OR6M1: variants seen among roughly 807,000 people sequenced by gnomAD.
The protein encoded by OR6M1 is olfactory receptor family 6 subfamily M member 1.
For synonymous variants in OR6M1, 167 were observed against 146.3 expected (o/e 1.14, Z -1.02); for missense variants, 364 against 377.8 (o/e 0.96, Z 0.30).
chr11:123,806,218 GA>G lies in OR6M1; in HGVS notation c.131del (p.Ile44ThrfsTer3). The G allele has an allele frequency of 6.2e-7, 1 of 1,613,990 alleles. No homozygotes were observed. Among genetic ancestry groups the G allele is most frequent in the Non-Finnish European group, 8.5e-7 (1 of 1,179,886 alleles). ...GGCGATGATCAATCCATATCAGGGA[GA>G]TGATGGTGATGTTTCCTGTTGCTGT... The part of the protein sequence containing the change: ...TLTATGNITI[I>X]SLIWIDHRLQ... On this transcript the variant is annotated frameshift_variant, in exon 1 of 1. Transcript: ENST00000309154. LOFTEE classifies it low-confidence loss of function (END_TRUNC).
Position 123,806,157 on chromosome 11 carries a change from A to G in OR6M1, c.193T>C (p.Ser65Pro). Residue 65 changes from serine (S) to proline (P), a missense_variant, in exon 1 of 1, where the codon TCC becomes CCC. Physicochemically the swap from Ser to Pro is moderately conservative, Grantham distance 74 (BLOSUM62 -1). Transcript: ENST00000309154. ...GTGGTGTATAAGATATCCAGAAAGG[A>G]CAAATTACTGAGGAAGAAGTACATT... ...TPMYFFLSNL[S>P]FLDILYTTVI... 1.2e-6 allele frequency: 2 copies of G among 1,614,142 alleles called. No homozygotes were observed. The highest frequency in any genetic ancestry group is 2.2e-5 in the South Asian group (2 of 91,076).
chr11:123,806,037 G>A lies in OR6M1; in HGVS notation c.313C>T (p.Leu105=), dbSNP rs1305398171. ...CMIQTYFYFF[L]GTVEFILLAV... ...AAGAGGATAAACTCCACCGTCCCCA[G>A]AAAGAAGTAGAAATATGTTTGGATC... Residue 105 remains leucine (L), a synonymous_variant, in exon 1 of 1, where the codon CTG becomes TTG. Transcript: ENST00000309154. 1 of 1,614,044 alleles carries A rather than the reference G, an allele frequency of 6.2e-7. No homozygotes were observed. The highest frequency in any genetic ancestry group is 8.5e-7 in the Non-Finnish European group (1 of 1,179,988).
In OR6M1 at chr11:123,805,749, C is replaced by A; in HGVS notation, c.601G>T (p.Ala201Ser). 1.9e-6 allele frequency: 3 copies of A among 1,613,882 alleles called. No homozygotes were observed. The highest frequency in any genetic ancestry group is 2.5e-6 in the Non-Finnish European group (3 of 1,179,946). ...GCCAGGGAGCTCAGGATGACAAGGG[C>A]AGAGAGGAGAAAGTTTATCTTCTCA... The part of the protein sequence containing the change: ...LIEKINFLLS[A>S]LVILSSLAFT... Residue 201 changes from alanine (A) to serine (S), a missense_variant, in exon 1 of 1, where the codon GCC (alanine) becomes TCC (serine). Transcript: ENST00000309154.
In OR6M1 at chr11:123,805,661, C is replaced by G. The variant is rs1175192079; in HGVS notation, c.689G>C (p.Gly230Ala). The G allele has an allele frequency of 6.2e-7, 1 of 1,613,874 alleles. No individual in the cohort carries two copies. Among genetic ancestry groups the G allele is most frequent in the Non-Finnish European group, 8.5e-7 (1 of 1,179,936 alleles). Residue 230 changes from glycine to alanine, a missense_variant, in exon 1 of 1, where the codon GGC becomes GCC. Coordinates refer to ENST00000309154, the MANE Select transcript of OR6M1 (RefSeq NM_001005325.1). ...ACAGGTAGAAAAAGCTTTCTGACGG[C>G]CCTGGGTGGAGGGGATACGCAGGAT... is the stretch of plus-strand genomic sequence containing the variant. The part of the protein sequence containing the change: ...STILRIPSTQ[G>A]RQKAFSTCAS...
Position 123,806,078 on chromosome 11 carries a change from G to T in OR6M1, c.272C>A (p.Ser91Tyr), listed in dbSNP as rs929644473. The T allele has an allele frequency of 3.7e-6, 6 of 1,614,128 alleles. No homozygotes were observed. In the East Asian group the frequency reaches 6.7e-5, roughly 18 times the overall value. ...ACLLGEEKTI[S>Y]FAGCMIQTYF... ...TGTTTGGATCATGCAACCAGCAAAAGATATGGTTTTCTCTTCTCCTAGGAG... is the reference window on the plus strand; with the variant it reads ...TGTTTGGATCATGCAACCAGCAAAATATATGGTTTTCTCTTCTCCTAGGAG... The change falls in exon 1 of 1, where the codon TCT becomes TAT. Residue 91 changes from serine to tyrosine, a missense_variant. By Grantham distance (144) the Ser-to-Tyr change is moderately radical. Coordinates refer to ENST00000309154, the MANE Select transcript of OR6M1 (RefSeq NM_001005325.1).
In OR6M1 at chr11:123,805,903, TC is replaced by T; in HGVS notation, c.446del (p.Gly149GlufsTer12). On this transcript the variant is annotated frameshift_variant, in exon 1 of 1. Coordinates refer to ENST00000309154, the MANE Select transcript of OR6M1 (RefSeq NM_001005325.1). LOFTEE classifies it low-confidence loss of function (END_TRUNC). The part of the protein sequence containing the change: ...CLLLVLGCWV[G>X]AFLSVLFPTI... ...TTGGAAACAACACAGACAGGAAGGC[TC>T]CCACCCAGCATCCCAGAACCAGCAG... 6.2e-7 allele frequency: 1 copy of T among 1,613,796 alleles called. No individual in the cohort carries two copies.
chr11:123,805,712 C>G lies in OR6M1; in HGVS notation c.638G>C (p.Gly213Ala). ...GGTAGAAATTATGTACACGTAGGAC[C>G]CAGTAGTGAATGCCAGGGAGCTCAG... ...VILSSLAFTT[G>A]SYVYIISTIL... is the part of the protein sequence containing the mutation. Residue 213 changes from glycine to alanine, a missense_variant, in exon 1 of 1, where the codon GGG (glycine) becomes GCG (alanine). Gly to Ala is a moderately conservative substitution (Grantham distance 60, BLOSUM62 0). Transcript: ENST00000309154. 1 of 1,613,850 alleles carries G rather than the reference C, an allele frequency of 6.2e-7. No individual in the cohort carries two copies. The highest frequency in any genetic ancestry group is 8.5e-7 in the Non-Finnish European group (1 of 1,179,966).
Position 123,806,204 on chromosome 11 carries a change from A to G in OR6M1, c.146T>C (p.Ile49Thr), listed in dbSNP as rs761898739. 5.0e-6 allele frequency: 8 copies of G among 1,614,102 alleles called. No homozygotes were observed. Among genetic ancestry groups the G allele is most frequent in the East Asian group, 4.5e-5 (2 of 44,886 alleles). ...GNITIISLIW[I>T]DHRLQTPMYF... ...CATTGGAGTTTGCAGGCGATGATCAATCCATATCAGGGAGATGATGGTGAT... is the reference window on the plus strand; with the variant it reads ...CATTGGAGTTTGCAGGCGATGATCAGTCCATATCAGGGAGATGATGGTGAT... Residue 49 changes from isoleucine (I) to threonine (T), a missense_variant, in exon 1 of 1, where the codon ATT becomes ACT. Ile to Thr is a moderately conservative substitution (Grantham distance 89, BLOSUM62 -1). Coordinates refer to ENST00000309154, the MANE Select transcript of OR6M1 (RefSeq NM_001005325.1).
rs749562865 is a variant in OR6M1 at position 123,805,598 on chromosome 11, C to T, written c.752G>A (p.Ser251Asn). 12 of 1,613,922 alleles carry T rather than the reference C, an allele frequency of 7.4e-6. No homozygotes were observed. Among genetic ancestry groups the T allele is most frequent in the Non-Finnish European group, 8.5e-7 (1 of 1,179,956 alleles). The stretch of plus-strand genomic sequence containing the variant: ...GGGTCTCACATACACAAAGATGTTG[C>T]TCCCGTGGGCAATGGAGACAACAGT... ...HITVVSIAHG[S>N]NIFVYVRPNQ... is the part of the protein sequence containing the mutation. Residue 251 changes from serine (S) to asparagine (N), a missense_variant, in exon 1 of 1, where the codon AGC becomes AAC. By Grantham distance (46) the Ser-to-Asn change is conservative. Transcript: ENST00000309154.
chr11:123,805,968 G>T lies in OR6M1; in HGVS notation c.382C>A (p.Leu128Met), dbSNP rs768292164. The T allele has an allele frequency of 6.2e-7, 1 of 1,613,884 alleles. No individual in the cohort carries two copies. Residue 128 changes from leucine to methionine, a missense_variant, in exon 1 of 1, where the codon CTG becomes ATG. Leu to Met is a conservative substitution (Grantham distance 15, BLOSUM62 2). Transcript: ENST00000309154. ...CTGTTCATGATGACCGTGTAGTGCA[G>T]TGGGTCGCAGATAGCCATGTAGCGG... ...FDRYMAICDP[L>M]HYTVIMNSRA...
Position 123,805,577 on chromosome 11 carries a change from CTCACA to C in OR6M1, c.768_772del (p.Tyr256Ter). ...ATCCAGTGAGGAGTTCTGATTGGGT[CTCACA>C]TACACAAAGATGTTGCTCCCGTGGG... On this transcript the variant is annotated stop_gained and frameshift_variant, in exon 1 of 1. Coordinates refer to ENST00000309154, the MANE Select transcript of OR6M1 (RefSeq NM_001005325.1). LOFTEE classifies it low-confidence loss of function (END_TRUNC). 1 of 1,613,964 alleles carries C rather than the reference CTCACA, an allele frequency of 6.2e-7. No individual in the cohort carries two copies. Among genetic ancestry groups the C allele is most frequent in the Non-Finnish European group, 8.5e-7 (1 of 1,179,986 alleles).
Position 123,805,964 on chromosome 11 carries a change from T to G in OR6M1, c.386A>C (p.His129Pro), listed in dbSNP as rs192968455. 3.1e-6 allele frequency: 5 copies of G among 1,613,618 alleles called. No individual in the cohort carries two copies. In the East Asian group the frequency reaches 8.9e-5, roughly 29 times the overall value. Residue 129 changes from histidine (H) to proline (P), a missense_variant, in exon 1 of 1, where the codon CAC (histidine) becomes CCC (proline). By Grantham distance (77) the His-to-Pro change is moderately conservative (BLOSUM62 -2). Transcript: ENST00000309154. ...DRYMAICDPL[H>P]YTVIMNSRAC... ...CCTGCTGTTCATGATGACCGTGTAG[T>G]GCAGTGGGTCGCAGATAGCCATGTA...
In OR6M1 at chr11:123,806,014, G is replaced by A. The variant is rs779891582; in HGVS notation, c.336C>T (p.Leu112=). Residue 112 remains leucine, a synonymous_variant, in exon 1 of 1, where the codon CTC becomes CTT. Coordinates refer to ENST00000309154, the MANE Select transcript of OR6M1 (RefSeq NM_001005325.1). The stretch of plus-strand genomic sequence containing the variant: ...AGCGGTCAAAGGACATCACCGCCAA[G>A]AGGATAAACTCCACCGTCCCCAGAA... ...YFFLGTVEFI[L]LAVMSFDRYM... is the part of the protein sequence containing the mutation. The A allele has an allele frequency of 1.2e-6, 2 of 1,614,014 alleles. No homozygotes were observed. The highest frequency in any genetic ancestry group is 2.2e-5 in the South Asian group (2 of 91,072).
In OR6M1 at chr11:123,805,548, C is replaced by T. The variant is rs1238022751; in HGVS notation, c.802G>A (p.Asp268Asn). 3.7e-6 allele frequency: 6 copies of T among 1,613,844 alleles called. No homozygotes were observed. The highest frequency in any genetic ancestry group is 5.1e-6 in the Non-Finnish European group (6 of 1,179,976). Reference sequence around the variant, plus strand: ...GTGATGAGGACAGCGGCCACCTTGTCATAATCCAGTGAGGAGTTCTGATTG... The same window carrying T: ...GTGATGAGGACAGCGGCCACCTTGTTATAATCCAGTGAGGAGTTCTGATTG... ...RPNQNSSLDY[D>N]KVAAVLITVV... Residue 268 changes from aspartate (D) to asparagine (N), a missense_variant, in exon 1 of 1, where the codon GAC becomes AAC. Asp to Asn is a conservative substitution (Grantham distance 23). Transcript: ENST00000309154.
In OR6M1 at chr11:123,805,432, C is replaced by T. The variant is rs1389407016; in HGVS notation, c.918G>A (p.Met306Ile). Residue 306 changes from methionine to isoleucine, a missense_variant, in exon 1 of 1, where the codon ATG (methionine) becomes ATA (isoleucine). Coordinates refer to ENST00000309154, the MANE Select transcript of OR6M1 (RefSeq NM_001005325.1). Reference sequence around the variant, plus strand: ...GTCAAGTTTTCCTTTGTATCAAGGTCATGATTCTGTTCACTGTCTCTCTCA... The same window carrying T: ...GTCAAGTTTTCCTTTGTATCAAGGTTATGATTCTGTTCACTGTCTCTCTCA... The part of the protein sequence containing the change: ...EVLRETVNRI[M>I]TLIQRKT 6.2e-7 allele frequency: 1 copy of T among 1,610,484 alleles called. No individual in the cohort carries two copies. The highest frequency in any genetic ancestry group is 1.1e-5 in the South Asian group (1 of 90,512).
rs1862388191 is a variant in OR6M1 at position 123,806,173 on chromosome 11, G to T, written c.177C>A (p.Phe59Leu). The T allele has an allele frequency of 6.2e-7, 1 of 1,614,004 alleles. No individual in the cohort carries two copies. The highest frequency in any genetic ancestry group is 1.3e-5 in the African/African-American group (1 of 74,920). Residue 59 changes from phenylalanine (F) to leucine (L), a missense_variant, in exon 1 of 1, where the codon TTC becomes TTA. Phe to Leu is a conservative substitution (Grantham distance 22). Coordinates refer to ENST00000309154, the MANE Select transcript of OR6M1 (RefSeq NM_001005325.1). ...CCAGAAAGGACAAATTACTGAGGAA[G>T]AAGTACATTGGAGTTTGCAGGCGAT... Reference protein sequence around the residue: ...IDHRLQTPMYFFLSNLSFLDI... With the variant: ...IDHRLQTPMYLFLSNLSFLDI...
rs1455454124 is a variant in OR6M1, at chr11:123,805,742, A to G, written c.608T>C (p.Val203Ala). The change falls in exon 1 of 1, where the codon GTC becomes GCC. Residue 203 changes from valine to alanine, a missense_variant. Val to Ala is a moderately conservative substitution (Grantham distance 64, BLOSUM62 0). Coordinates refer to ENST00000309154, the MANE Select transcript of OR6M1 (RefSeq NM_001005325.1). ...AGTGAATGCCAGGGAGCTCAGGATG[A>G]CAAGGGCAGAGAGGAGAAAGTTTAT... ...EKINFLLSAL[V>A]ILSSLAFTTG... 1 of 1,614,060 alleles carries G rather than the reference A, an allele frequency of 6.2e-7. No individual in the cohort carries two copies. Among genetic ancestry groups the G allele is most frequent in the Admixed American group, 1.7e-5 (1 of 59,992 alleles).
In OR6M1 at chr11:123,805,916, C is replaced by G. The variant is rs1260112772; in HGVS notation, c.434G>C (p.Gly145Ala). Residue 145 changes from glycine to alanine, a missense_variant, in exon 1 of 1, where the codon GGA (glycine) becomes GCA (alanine). By Grantham distance (60) the Gly-to-Ala change is moderately conservative. Transcript: ENST00000309154. ...NSRACLLLVLGCWVGAFLSVL... is the reference protein window; with the variant it reads ...NSRACLLLVLACWVGAFLSVL... ...AGACAGGAAGGCTCCCACCCAGCAT[C>G]CCAGAACCAGCAGAAGGCAGGCCCT... is the stretch of plus-strand genomic sequence containing the variant. The G allele has an allele frequency of 6.2e-7, 1 of 1,613,866 alleles. No homozygotes were observed. Among genetic ancestry groups the G allele is most frequent in the South Asian group, 1.1e-5 (1 of 91,052 alleles).
In OR6M1 at chr11:123,805,903, T is replaced by C. The variant is rs771798585; in HGVS notation, c.447A>G (p.Gly149=). The change falls in exon 1 of 1, where the codon GGA becomes GGG. Residue 149 remains glycine, a synonymous_variant. Transcript: ENST00000309154. ...CLLLVLGCWV[G]AFLSVLFPTI... ...TTGGAAACAACACAGACAGGAAGGC[T>C]CCCACCCAGCATCCCAGAACCAGCA... The C allele has an allele frequency of 6.2e-7, 1 of 1,613,796 alleles. No individual in the cohort carries two copies.
Sources: gnomAD v4.1 joint callset for allele counts on GRCh38, gnomAD v4.1.1 for gene constraint, MANE v1.5 for transcripts, NCBI Gene and HGNC (gene_info 2026-07-23, HGNC 2026-07-21) for gene names.